Variants in CRACDL observed in about 807,000 individuals in gnomAD.
CRACDL encodes CRACD like.
A neutral mutation model predicts 70.6 loss-of-function variants in CRACDL; 26 were observed. The observed-to-expected ratio is 0.37, with a 90% CI of 0.27 to 0.51. The LOEUF (loss-of-function observed/expected upper bound fraction) is 0.51. Among genes scored for constraint, CRACDL ranks in the 20% least tolerant of loss-of-function variants. CRACDL has a pLI of 0.94. For synonymous variants in CRACDL, 618 were observed against 615.2 expected (o/e 1.00, Z -0.07); for missense variants, 1,283 against 1,376.9 (o/e 0.93, Z 1.08).
intron 1 of CRACDL, among the ~76,000 whole-genome samples, chr2:98,889,285 G>GAAAGAAAGAAAGAA (rs1350102603): frequency 6.4e-5 from 9 of 140,968 alleles, no homozygotes; most frequent in African/African-American, 1.0e-4. Flanking sequence ...GAAAAAGAGA[G>GAAAGAAAGAAAGAA]AGAAAGAAAG....
At position 98,878,379 on chromosome 2, in the gene CRACDL, A is replaced by T. The variant is rs916514098; in HGVS notation, c.-10-31569T>A. On this transcript the variant is annotated intron_variant, in intron 1 of 9. Coordinates refer to ENST00000397899, the MANE Select transcript of CRACDL (RefSeq NM_207362.3). ...ATACACACAAACTTACCATTGTATT[A>T]CAATTGCCTACAGTGTTCAGTATAG... 2.1e-4 allele frequency among the ~76,000 whole-genome samples: 32 copies of T among 152,304 alleles called. 1 individual carries two copies. Among genetic ancestry groups the T allele is most frequent in the African/African-American group, 7.7e-4 (32 of 41,558 alleles).
At chr2:98,903,124 AG>A (rs753933897) in intron 1 of CRACDL, among the ~76,000 whole-genome samples, 23 of 152,132 alleles carry the variant, frequency 1.5e-4, no homozygotes, top group Admixed American at 3.3e-4. Context: ...GCTCCTTAGG[AG>A]ACCTAACCTC....
At chr2:98,878,776 A>C (rs11893888) in intron 1 of CRACDL, among the ~76,000 whole-genome samples, 71,744 of 152,064 alleles carry the variant, frequency 0.47, 17,997 homozygotes, top group African/African-American at 0.63. Flanking sequence ...CGCATGGCTG[A>C]CTGAGAGGCG....
At chr2:98,812,116 C>T (rs1321715112) in intron 7 of CRACDL, among the ~76,000 whole-genome samples, 3 of 152,208 alleles carry the variant, frequency 2.0e-5, no homozygotes, top group African/African-American at 7.2e-5. Flanking sequence ...GCTGGGACTA[C>T]AGGTGTGCAC....
intron 1 of CRACDL, among the ~76,000 whole-genome samples, chr2:98,928,640 A>C (rs1393931290): frequency 6.6e-6 from 1 of 152,170 alleles, no homozygotes; most frequent in Non-Finnish European, 1.5e-5. Flanking sequence ...TCTGTTCTAG[A>C]ATGTGGTACC....
chr2:98,899,153 ATTCACCTGCC>A (rs994490583), intron 1 of CRACDL, among the ~76,000 whole-genome samples: 1 of 152,152 alleles, frequency 6.6e-6, no homozygotes, highest in African/African-American at 2.4e-5. Flanking sequence ...GGAACATGAA[ATTCACCTGCC>A]ACCATGCAAA....
At chr2:98,874,666 T>G (rs893624163) in intron 1 of CRACDL, among the ~76,000 whole-genome samples, 1 of 152,222 alleles carries the variant, frequency 6.6e-6, no homozygotes, top group Admixed American at 6.5e-5. Flanking sequence ...TGGAAGGTTT[T>G]TGGGCAAGGA....
intron 1 of CRACDL, among the ~76,000 whole-genome samples, chr2:98,878,800 G>A (rs1707558335): frequency 6.6e-6 from 1 of 152,188 alleles, no homozygotes; most frequent in Admixed American, 6.5e-5. Context: ...AGCATCACGA[G>A]AGAAGTACAG....
At chr2:98,899,544 G>T (rs1329913829) in intron 1 of CRACDL, among the ~76,000 whole-genome samples, 3 of 152,254 alleles carry the variant, frequency 2.0e-5, no homozygotes, top group African/African-American at 4.8e-5. Flanking sequence ...GCCAGGGGTG[G>T]CCCCACAGGC....
At chr2:98,921,462 A>G (rs1573203077) in intron 1 of CRACDL, among the ~76,000 whole-genome samples, 2 of 152,244 alleles carry the variant, frequency 1.3e-5, no homozygotes, top group South Asian at 2.1e-4. Context: ...GACATGTATT[A>G]TGGTGTTCCC....
At chr2:98,812,679 T>C (rs1328446989) in intron 7 of CRACDL, among the ~76,000 whole-genome samples, 1 of 152,164 alleles carries the variant, frequency 6.6e-6, no homozygotes, top group Non-Finnish European at 1.5e-5. Flanking sequence ...TCATGTCTTT[T>C]GCCCGTTTTC....
intron 1 of CRACDL, among the ~76,000 whole-genome samples, chr2:98,865,307 G>T (rs1481430296): frequency 6.6e-6 from 1 of 152,046 alleles, no homozygotes; most frequent in Non-Finnish European, 1.5e-5. Context: ...TCCGCAGGAA[G>T]ACCAATCTGT....
At chr2:98,801,543 C>T (rs1219135732) in intron 7 of CRACDL, among the ~76,000 whole-genome samples, 1 of 152,172 alleles carries the variant, frequency 6.6e-6, no homozygotes, top group Non-Finnish European at 1.5e-5. Context: ...CAGGTGTAGA[C>T]ACTTGCTAGT....
At chr2:98,886,399 A>G (rs568701928) in intron 1 of CRACDL, among the ~76,000 whole-genome samples, 2 of 152,360 alleles carry the variant, frequency 1.3e-5, no homozygotes, top group African/African-American at 4.8e-5. Flanking sequence ...CAGATTGTCT[A>G]AAAAGCTTGC....
intron 1 of CRACDL, among the ~76,000 whole-genome samples, chr2:98,894,458 C>T (rs1465797994): frequency 1.3e-5 from 2 of 152,214 alleles, no homozygotes; most frequent in Admixed American, 6.5e-5. Context: ...TCCCAATGTA[C>T]GATGGAAAAT....
At chr2:98,799,365 C>T (rs1260777849) in intron 7 of CRACDL, among the ~76,000 whole-genome samples, 1 of 152,136 alleles carries the variant, frequency 6.6e-6, no homozygotes, top group Non-Finnish European at 1.5e-5. Flanking sequence ...CACTGCTTTG[C>T]AAGCTACAGT....
In CRACDL at chr2:98,822,250, G is replaced by C; in HGVS notation, c.2023C>G (p.Pro675Ala). Residue 675 changes from proline to alanine, a missense_variant, in exon 7 of 10, where the codon CCG (proline) becomes GCG (alanine). Pro to Ala is a conservative substitution (Grantham distance 27, BLOSUM62 -1). Around this residue, in one of 2 missense-constraint regions of CRACDL, gnomAD observed 921 missense variants for 881.9 expected, o/e 1.04. Transcript: ENST00000397899. This position sits in a 1 kb window ranked among gnomAD's most constrained non-coding sequence, Gnocchi z 4.9. The part of the protein sequence containing the change: ...EPCPAAQEPA[P>A]SEDRNPFPVK... ...GGGAAGGGGTTTCTGTCCTCACTCG[G>C]GGCCGGCTCCTGGGCGGCTGGGCAG... 1.9e-6 allele frequency: 3 copies of C among 1,598,202 alleles called. No individual in the cohort carries two copies. The highest frequency in any genetic ancestry group is 2.5e-6 in the Non-Finnish European group (3 of 1,177,528).
chr2:98,920,132 T>C (rs1414362140), intron 1 of CRACDL, among the ~76,000 whole-genome samples: 1 of 152,172 alleles, frequency 6.6e-6, no homozygotes, highest in Non-Finnish European at 1.5e-5. Flanking sequence ...ATTAAATCCA[T>C]AAGTTAATTT....
At chr2:98,910,847 T>C (rs12474283) in intron 1 of CRACDL, among the ~76,000 whole-genome samples, 77,910 of 152,094 alleles carry the variant, frequency 0.51, 21,624 homozygotes, top group African/African-American at 0.72. Context: ...TGCCTCCTCT[T>C]ACGGGTGACA....
Sources: gnomAD v4.1 joint callset for allele counts (sites outside exome capture counted in the v4.1 genomes callset) on GRCh38, gnomAD v4.1.1 for gene constraint, gnomAD v4.1.1 regional missense constraint, Gnocchi (gnomAD v3.1) non-coding constraint, MANE v1.5 for transcripts, NCBI Gene and HGNC (gene_info 2026-07-23, HGNC 2026-07-21) for gene names.